The following SUCLG2 variants were observed in gnomAD, a reference collection of about 807,000 sequenced individuals.
The protein encoded by SUCLG2 is succinate--CoA ligase [GDP-forming] subunit beta, mitochondrial.
Under a neutral mutation model 47.9 loss-of-function variants are expected in SUCLG2, and 42 were observed. The observed-to-expected ratio is 0.88, with a 90% CI of 0.69 to 1.14. The LOEUF is 1.14. Ranked by LOEUF, SUCLG2 falls within the 50% of genes most tolerant of loss-of-function variation. The pLI is 0.00. For missense variants in SUCLG2, 571 were observed against 525.9 expected, an observed-to-expected ratio of 1.09 and a Z score of -0.84; for synonymous variants, 195 against 197.3, an observed-to-expected ratio of 0.99 and a Z score of 0.10.
chr3:67,600,327 A>C (rs961369450), intron 2 of SUCLG2, among the ~76,000 whole-genome samples: 3 of 152,232 alleles, frequency 2.0e-5, no homozygotes, highest in African/African-American at 7.2e-5. Flanking sequence ...ACACTGGCTC[A>C]GTTCAATCCA....
At chr3:67,479,896 G>A (rs1260133087) in intron 9 of SUCLG2, among the ~76,000 whole-genome samples, 2 of 152,172 alleles carry the variant, frequency 1.3e-5, no homozygotes, top group East Asian at 3.8e-4. Flanking sequence ...AAACCACATT[G>A]ATGAACTCTA....
chr3:67,651,602 T>C (rs994857573), intron 1 of SUCLG2, among the ~76,000 whole-genome samples: 1 of 152,178 alleles, frequency 6.6e-6, no homozygotes, highest in Admixed American at 6.5e-5. Context: ...TGACCCTTTG[T>C]AGGGTGGAGG....
intron 10 of SUCLG2, among the ~76,000 whole-genome samples, chr3:67,389,945 G>A (rs759497460): frequency 2.0e-5 from 3 of 151,992 alleles, no homozygotes; most frequent in African/African-American, 4.8e-5. Flanking sequence ...GGTGAAAACG[G>A]GTCTCCATCA....
intron 1 of SUCLG2, among the ~76,000 whole-genome samples, chr3:67,612,803 C>A (rs1348205817): frequency 6.6e-6 from 1 of 152,210 alleles, no homozygotes; most frequent in Non-Finnish European, 1.5e-5. Context: ...CAGGCACAAG[C>A]CCCAGGTTAT....
Position 67,375,591 on chromosome 3 carries a change from T to C in SUCLG2, c.*153A>G, listed in dbSNP as rs1362673990. 7 of 1,427,572 alleles carry C rather than the reference T, an allele frequency of 4.9e-6. No homozygotes were observed. Among genetic ancestry groups the C allele is most frequent in the African/African-American group, 4.3e-5 (3 of 69,360 alleles). The allele number at this position is 1,427,572 out of a possible 1,614,324, so 88.4% of individuals were successfully genotyped here. A position where few individuals can be genotyped will look rare whatever the true frequency, so the allele number is the denominator to read the frequency against. On this transcript the variant is annotated 3_prime_UTR_variant, in exon 11 of 11. Transcript: ENST00000307227. ...AGATTTAGGCTGTCTAGATATCTTA[T>C]TCCAGAAAACACAGATTTAAGATTT... is the stretch of plus-strand genomic sequence containing the variant.
At chr3:67,536,764 A>G (rs1454717375) in intron 2 of SUCLG2, among the ~76,000 whole-genome samples, 1 of 152,190 alleles carries the variant, frequency 6.6e-6, no homozygotes, top group Non-Finnish European at 1.5e-5. Context: ...CATACAGCTG[A>G]AAAATGCACA....
chr3:67,628,993 G>A (rs957048684), intron 1 of SUCLG2, among the ~76,000 whole-genome samples: 2 of 152,212 alleles, frequency 1.3e-5, no homozygotes, highest in South Asian at 2.1e-4. Flanking sequence ...ATGAGAATGC[G>A]TGAGAAAAGA....
At chr3:67,594,603 T>C (rs1708251088) in intron 2 of SUCLG2, among the ~76,000 whole-genome samples, 2 of 152,198 alleles carry the variant, frequency 1.3e-5, no homozygotes, top group South Asian at 2.1e-4. Flanking sequence ...AATCTGTCAA[T>C]TATTTGCTAA....
At chr3:67,384,453 C>T (rs545849525) in intron 10 of SUCLG2, among the ~76,000 whole-genome samples, 1 of 152,312 alleles carries the variant, frequency 6.6e-6, no homozygotes, top group South Asian at 2.1e-4. Context: ...TCTACTGCTG[C>T]TTCAACACTA....
intron 10 of SUCLG2, among the ~76,000 whole-genome samples, chr3:67,396,189 A>G (rs147966132): frequency 1.3e-5 from 2 of 151,950 alleles, no homozygotes; most frequent in Non-Finnish European, 1.5e-5. Flanking sequence ...AACTGAAGGA[A>G]ATAGAGACAC....
At chr3:67,460,628 C>T (rs1464690467) in intron 9 of SUCLG2, among the ~76,000 whole-genome samples, 1 of 152,070 alleles carries the variant, frequency 6.6e-6, no homozygotes, top group Non-Finnish European at 1.5e-5. Flanking sequence ...AAACTGAGGT[C>T]CAAATTATCG....
intron 9 of SUCLG2, among the ~76,000 whole-genome samples, chr3:67,470,039 C>A: frequency 7.2e-6 from 1 of 139,662 alleles, no homozygotes; most frequent in East Asian, 2.2e-4. Flanking sequence ...GAGTGAAACT[C>A]CATATCAAAA....
chr3:67,579,879 A>C (rs1707837835), intron 2 of SUCLG2, among the ~76,000 whole-genome samples: 1 of 152,204 alleles, frequency 6.6e-6, no homozygotes. Flanking sequence ...ACAAGGTAAA[A>C]TGGTACCTAT....
At chr3:67,420,450 G>C (rs947260509) in intron 9 of SUCLG2, among the ~76,000 whole-genome samples, 2 of 152,172 alleles carry the variant, frequency 1.3e-5, no homozygotes, top group African/African-American at 4.8e-5. Context: ...AGAAGTAAGG[G>C]AAAGAATGAA....
chr3:67,553,789 C>T lies in SUCLG2; in HGVS notation c.227-24603G>A, dbSNP rs1267015281. On this transcript the variant is annotated intron_variant, in intron 2 of 10. Transcript: ENST00000307227. ...ACTTTATCTTTCAACATAAAAATTA[C>T]AAGAGTAATGGTAACTACTCAACTA... Among the ~76,000 whole-genome samples, 14 of 152,184 alleles carry T rather than the reference C, an allele frequency of 9.2e-5. No homozygotes were observed. In the South Asian group the frequency reaches 2.7e-3, roughly 29 times the overall value.
intron 9 of SUCLG2, among the ~76,000 whole-genome samples, chr3:67,448,279 C>A (rs1443413197): frequency 6.6e-6 from 1 of 152,072 alleles, no homozygotes; most frequent in African/African-American, 2.4e-5. Flanking sequence ...TTTGTATTAA[C>A]ATAAAAATCT....
At chr3:67,600,155 G>A (rs1708385385) in intron 2 of SUCLG2, among the ~76,000 whole-genome samples, 1 of 152,078 alleles carries the variant, frequency 6.6e-6, no homozygotes, top group Non-Finnish European at 1.5e-5. Flanking sequence ...TCAACCAACA[G>A]TACACAAGTC....
At chr3:67,520,829 C>T (rs1228579555) in intron 4 of SUCLG2, among the ~76,000 whole-genome samples, 195 bp from the exon 5 acceptor site, 1 of 152,162 alleles carries the variant, frequency 6.6e-6, no homozygotes, top group Non-Finnish European at 1.5e-5. Flanking sequence ...TAATTTTGAT[C>T]CCATTAACTT....
At chr3:67,399,501 A>T (rs1450532822) in intron 10 of SUCLG2, among the ~76,000 whole-genome samples, 1 of 152,218 alleles carries the variant, frequency 6.6e-6, no homozygotes, top group Admixed American at 6.5e-5. Context: ...TGTGGCTGAT[A>T]AAATTTGCAC....
Sources: allele counts gnomAD v4.1 joint callset (sites outside exome capture counted in the v4.1 genomes callset), GRCh38; gene constraint gnomAD v4.1.1; transcripts MANE v1.5; gene names NCBI Gene and HGNC (gene_info 2026-07-23, HGNC 2026-07-21).